SH3TC2: variants seen among roughly 807,000 people sequenced by gnomAD.
SH3TC2 encodes SH3 domain and tetratricopeptide repeat-containing protein 2.
In SH3TC2, 87 loss-of-function variants were observed where a neutral mutation model predicts 124.5. The ratio of observed to expected loss-of-function variants is 0.70; its 90% CI spans 0.59 to 0.84. The LOEUF (loss-of-function observed/expected upper bound fraction) is 0.84. Among genes scored for constraint, SH3TC2 ranks in the 40% least tolerant of loss-of-function variants. The pLI is 0.00. For synonymous variants in SH3TC2, 634 were observed against 628.5 expected (o/e 1.01, Z -0.13); for missense variants, 1,536 against 1,566.4 (o/e 0.98, Z 0.33).
At position 149,012,577 on chromosome 5, in the gene SH3TC2, G is replaced by A; in HGVS notation, c.3204+7C>T. 6.2e-7 allele frequency: 1 copy of A among 1,614,060 alleles called. No individual in the cohort carries two copies. Among genetic ancestry groups the A allele is most frequent in the Non-Finnish European group, 8.5e-7 (1 of 1,179,974 alleles). ...ACAACTCCCAGAGAGCTCTGCAGGA[G>A]GCCTACCTGCAGGCACAGCTCCACC... On this transcript the variant is annotated splice_region_variant and intron_variant, in intron 13 of 16. Transcript: ENST00000515425.
chr5:149,051,537 G>A (rs1336918017), intron 2 of SH3TC2, among the ~76,000 whole-genome samples: 3 of 152,036 alleles, frequency 2.0e-5, no homozygotes, highest in East Asian at 1.9e-4. Flanking sequence ...CTGCAGCCTC[G>A]ACGTCCCAGG....
chr5:149,045,197 A>G (rs758615469), intron 3 of SH3TC2: 1 of 152,802 alleles, frequency 6.5e-6, no homozygotes, highest in Non-Finnish European at 1.5e-5. Flanking sequence ...TTTTTCCTAC[A>G]CAAGTTTCCA....
chr5:149,053,876 T>C (rs896196226), intron 1 of SH3TC2, among the ~76,000 whole-genome samples: 2 of 152,094 alleles, frequency 1.3e-5, no homozygotes, highest in East Asian at 3.9e-4. Context: ...AGTAGAATGA[T>C]GGTTACTAGA....
In SH3TC2 at chr5:149,063,032, A is replaced by G. The variant is rs1468262232; in HGVS notation, c.-10T>C. ...AGAAGCAGCCACCCATGTGTGTACC[A>G]TCCTACCCTGGCCGAGGCCCTTGGG... On this transcript the variant is annotated 5_prime_UTR_variant, in exon 1 of 17. The change abolishes an upstream ATG in the 5' untranslated region. Transcript: ENST00000515425. The G allele has an allele frequency of 6.3e-7, 1 of 1,597,950 alleles. No homozygotes were observed. The highest frequency in any genetic ancestry group is 2.3e-5 in the East Asian group (1 of 44,298).
In SH3TC2 at chr5:149,004,564, T is replaced by C. The variant is rs147796833; in HGVS notation, c.*147A>G. The C allele has an allele frequency of 4.9e-6, 4 of 811,340 alleles. No individual in the cohort carries two copies. The highest frequency in any genetic ancestry group is 1.7e-5 in the African/African-American group (1 of 57,584). The allele number at this position is 811,340 out of a possible 1,614,324, so 50.3% of individuals were successfully genotyped here. On this transcript the variant is annotated 3_prime_UTR_variant, in exon 17 of 17. Coordinates refer to ENST00000515425, the MANE Select transcript of SH3TC2 (RefSeq NM_024577.4). ...CTTTCTGTGGCCTGCAATGAGCCCT[T>C]CTCCTCCTGGACTTCATTCTTCTTC...
At chr5:149,017,585 T>A (rs1439576888) in intron 12 of SH3TC2, among the ~76,000 whole-genome samples, 1 of 152,002 alleles carries the variant, frequency 6.6e-6, no homozygotes, top group Non-Finnish European at 1.5e-5. Context: ...ATAAAAGAAA[T>A]TAAAATCAGT....
At chr5:149,039,965 G>A (rs1437441656) in intron 7 of SH3TC2, among the ~76,000 whole-genome samples, 1 of 151,978 alleles carries the variant, frequency 6.6e-6, no homozygotes, top group Admixed American at 6.6e-5. Flanking sequence ...GAGGTGAAGG[G>A]GAGTTCTAAA....
At chr5:149,058,024 C>G (rs1289394240) in intron 1 of SH3TC2, among the ~76,000 whole-genome samples, 1 of 152,162 alleles carries the variant, frequency 6.6e-6, no homozygotes, top group African/African-American at 2.4e-5. Flanking sequence ...GCACCCACCA[C>G]AAGGAGAAAG....
At chr5:149,042,266 A>C (rs1210869826) in intron 5 of SH3TC2, among the ~76,000 whole-genome samples, 2 of 152,238 alleles carry the variant, frequency 1.3e-5, no homozygotes, top group African/African-American at 4.8e-5. Context: ...CCTCACTTTC[A>C]TAAAAAACTT....
Position 149,041,764 on chromosome 5 carries a change from A to C in SH3TC2, c.530-147T>G, listed in dbSNP as rs73795760. The C allele has an allele frequency of 5.9e-4, 504 of 861,526 alleles. 1 individual carries two copies. The African/African-American group carries it at 7.5e-3, about 13-fold the overall frequency. 53.4% of individuals were successfully genotyped at this position (861,526 alleles called of 1,614,324 possible). A position where few individuals can be genotyped will look rare whatever the true frequency, so the allele number is the denominator to read the frequency against. ...CGTTTCACAGGGGAGACACTAAAAG[A>C]GGCCTTATGATCCCAGGAACACTGA... On this transcript the variant is annotated intron_variant, in intron 5 of 16. Coordinates refer to ENST00000515425, the MANE Select transcript of SH3TC2 (RefSeq NM_024577.4).
intron 1 of SH3TC2, among the ~76,000 whole-genome samples, chr5:149,058,514 A>G (rs1206896030): frequency 2.0e-5 from 3 of 151,196 alleles, no homozygotes; most frequent in Non-Finnish European, 4.4e-5. Context: ...CCATTCCAAC[A>G]TTTTGCAATT....
intron 7 of SH3TC2, among the ~76,000 whole-genome samples, chr5:149,039,708 A>G (rs945023837): frequency 6.6e-6 from 1 of 152,226 alleles, no homozygotes; most frequent in Admixed American, 6.5e-5. Context: ...AAGTTGCAAC[A>G]TAGGGCAGGT....
In SH3TC2 at chr5:149,014,234, T is replaced by C. The variant is rs372368419; in HGVS notation, c.3054-1500A>G. ...ACAGATCCCCCAGAGCTACCTCAAATTGACTGAAAAAGATTCATTACAGTT... is the reference window on the plus strand; with the variant it reads ...ACAGATCCCCCAGAGCTACCTCAAACTGACTGAAAAAGATTCATTACAGTT... On this transcript the variant is annotated intron_variant, in intron 12 of 16. Transcript: ENST00000515425. 1.1e-4 allele frequency among the ~76,000 whole-genome samples: 17 copies of C among 152,272 alleles called. No homozygotes were observed. In the East Asian group the frequency reaches 2.1e-3, roughly 19 times the overall value.
At chr5:149,006,231 C>A in intron 16 of SH3TC2, 1 of 161,166 alleles carries the variant, frequency 6.2e-6, no homozygotes, top group East Asian at 1.8e-4. Context: ...GCTACTCCAG[C>A]CTGGGCTACA....
At position 148,996,124 on chromosome 5, in the gene SH3TC2, T is replaced by C. The variant is rs1001312861; in HGVS notation, c.*8587A>G. Among the ~76,000 whole-genome samples the C allele has an allele frequency of 2.0e-5, 3 of 150,948 alleles. No individual in the cohort carries two copies. The highest frequency in any genetic ancestry group is 7.3e-5 in the African/African-American group (3 of 41,068). Reference sequence around the variant, plus strand: ...AAAATTAGCTGGGAGTGGTTGTACATGCCTGTAGTCCCAGCTACTCGGGAG... The same window carrying C: ...AAAATTAGCTGGGAGTGGTTGTACACGCCTGTAGTCCCAGCTACTCGGGAG... On this transcript the variant is annotated 3_prime_UTR_variant, in exon 17 of 17. Coordinates refer to ENST00000515425, the MANE Select transcript of SH3TC2 (RefSeq NM_024577.4).
At position 148,986,227 on chromosome 5, in the gene SH3TC2, GA is replaced by G. The variant is rs536826583; in HGVS notation, c.*18483del. ...CTGCAGGGTTTTTGTAAGAACAAGA[GA>G]AAAAAAATGTATCTGAAATCAGAAA... On this transcript the variant is annotated 3_prime_UTR_variant, in exon 17 of 17. Transcript: ENST00000515425. Among the ~76,000 whole-genome samples, 4 of 151,318 alleles carry G rather than the reference GA, an allele frequency of 2.6e-5. No individual in the cohort carries two copies. Among genetic ancestry groups the G allele is most frequent in the African/African-American group, 4.8e-5 (2 of 41,306 alleles).
chr5:148,987,060 T>A lies in SH3TC2; in HGVS notation c.*17651A>T, dbSNP rs1753344535. Among the ~76,000 whole-genome samples, 2 of 152,248 alleles carry A rather than the reference T, an allele frequency of 1.3e-5. No homozygotes were observed. On this transcript the variant is annotated 3_prime_UTR_variant, in exon 17 of 17. Transcript: ENST00000515425. ...TTTCATGGTAGTTCATTGTGCTTAA[T>A]TCTCTAATCTGAAATTCTTTATTTT...
chr5:149,013,117 G>T (rs1301221823), intron 12 of SH3TC2, among the ~76,000 whole-genome samples: 1 of 152,058 alleles, frequency 6.6e-6, no homozygotes. Context: ...CCCTTTTACT[G>T]CTCTATAACC....
rs559757049 is a variant in SH3TC2, at chr5:148,988,238, C to A, written c.*16473G>T. Among the ~76,000 whole-genome samples the A allele has an allele frequency of 6.6e-6, 1 of 152,304 alleles. No individual in the cohort carries two copies. The highest frequency in any genetic ancestry group is 1.9e-4 in the East Asian group (1 of 5,190). On this transcript the variant is annotated 3_prime_UTR_variant, in exon 17 of 17. Coordinates refer to ENST00000515425, the MANE Select transcript of SH3TC2 (RefSeq NM_024577.4). ...GCATCTTTACTCCTTCTCCCATGGACATGAAAATCATTATCAAAAATCCTA... is the reference window on the plus strand; with the variant it reads ...GCATCTTTACTCCTTCTCCCATGGAAATGAAAATCATTATCAAAAATCCTA...
Sources: allele counts gnomAD v4.1 joint callset (sites outside exome capture counted in the v4.1 genomes callset), GRCh38; gene constraint gnomAD v4.1.1; transcripts MANE v1.5; gene names NCBI Gene and HGNC (gene_info 2026-07-23, HGNC 2026-07-21).